The following PPFIA2 variants were observed in gnomAD, a reference collection of about 807,000 sequenced individuals.
PPFIA2 encodes liprin-alpha-2.
Under a neutral mutation model 175.5 loss-of-function variants are expected in PPFIA2, and 46 were observed. The observed-to-expected ratio is 0.26, with a 90% confidence interval of 0.21 to 0.34. The LOEUF (loss-of-function observed/expected upper bound fraction) is 0.34, where lower values mean the gene tolerates loss of function less well. Ranked by LOEUF, PPFIA2 falls within the 10% of genes least tolerant of loss-of-function variation. The probability of loss-of-function intolerance (pLI) is 1.00; values close to 1 mark genes in which losing one functional copy is unlikely to be tolerated. For synonymous variants in PPFIA2, 568 were observed against 511.4 expected (o/e 1.11, Z -1.49); for missense variants, 1,179 against 1,506.1 (o/e 0.78, Z 3.60).
chr12:81,472,055 T>C (rs1470205125), intron 4 of PPFIA2, among the ~76,000 whole-genome samples: 1 of 152,202 alleles, frequency 6.6e-6, no homozygotes, highest in Non-Finnish European at 1.5e-5. Context: ...TGCTATAATA[T>C]GGATGCTCCT....
At chr12:81,751,534 TACACACACACACACAC>T (rs10591884) in intron 3 of PPFIA2, among the ~76,000 whole-genome samples, 1 of 144,200 alleles carries the variant, frequency 6.9e-6, no homozygotes, top group Non-Finnish European at 1.5e-5. Context: ...TATAATATGC[TACACACACACACACAC>T]ACACACACAC....
intron 23 of PPFIA2, 38 bp downstream of exon 23, chr12:81,299,263 G>A (rs776672327): frequency 1.2e-5 from 19 of 1,556,576 alleles, no homozygotes; most frequent in African/African-American, 2.7e-5. Flanking sequence ...CAACTTAGTA[G>A]TGATTGATTC....
At chr12:81,509,868 T>C (rs766035657) in intron 4 of PPFIA2, among the ~76,000 whole-genome samples, 1 of 152,172 alleles carries the variant, frequency 6.6e-6, no homozygotes, top group Non-Finnish European at 1.5e-5. Flanking sequence ...TTGCCTTTCT[T>C]CATCAGAAGT....
At chr12:81,313,763 T>C (rs1219603781) in intron 22 of PPFIA2, among the ~76,000 whole-genome samples, 1 of 152,094 alleles carries the variant, frequency 6.6e-6, no homozygotes, top group Non-Finnish European at 1.5e-5. Flanking sequence ...GTTATCACCA[T>C]GGACAACATA....
intron 3 of PPFIA2, among the ~76,000 whole-genome samples, chr12:81,688,842 ACT>A: frequency 6.9e-6 from 1 of 143,960 alleles, no homozygotes; most frequent in Non-Finnish European, 1.5e-5. Flanking sequence ...TAAAATAGAT[ACT>A]TCTAATAATA....
chr12:81,674,061 A>G (rs1041729660), intron 4 of PPFIA2, among the ~76,000 whole-genome samples: 1 of 152,038 alleles, frequency 6.6e-6, no homozygotes, highest in African/African-American at 2.4e-5. Flanking sequence ...CCTTCTATAT[A>G]TGCCTTACCA....
At chr12:81,592,872 C>T (rs1040425337) in intron 4 of PPFIA2, among the ~76,000 whole-genome samples, 2 of 152,142 alleles carry the variant, frequency 1.3e-5, no homozygotes, top group Non-Finnish European at 2.9e-5. Flanking sequence ...CCTCCGACCT[C>T]AGTCTCCCAA....
At chr12:81,662,327 G>A (rs927409609) in intron 4 of PPFIA2, among the ~76,000 whole-genome samples, 6 of 152,140 alleles carry the variant, frequency 3.9e-5, no homozygotes, top group African/African-American at 1.4e-4. Flanking sequence ...GAAGAAAAGA[G>A]AGAAGAATCA....
intron 17 of PPFIA2, 142 bp from the exon 18 acceptor site, chr12:81,347,912 T>A: frequency 2.8e-6 from 3 of 1,071,870 alleles, no homozygotes; most frequent in Admixed American, 3.9e-5. Flanking sequence ...TTTTTTCATC[T>A]TTTTTTTTTC....
chr12:81,323,284 G>A (rs1270784754), intron 22 of PPFIA2, among the ~76,000 whole-genome samples: 2 of 152,082 alleles, frequency 1.3e-5, no homozygotes, highest in African/African-American at 2.4e-5. Context: ...ATGGGATAGT[G>A]AGCATAGCTC....
At chr12:81,650,017 T>G (rs1467686935) in intron 4 of PPFIA2, among the ~76,000 whole-genome samples, 2 of 151,972 alleles carry the variant, frequency 1.3e-5, no homozygotes, top group Non-Finnish European at 2.9e-5. Context: ...TTTTTGTTTT[T>G]TTTTTTTCCT....
intron 4 of PPFIA2, among the ~76,000 whole-genome samples, chr12:81,627,980 T>TA (rs1309701269): frequency 1.3e-5 from 2 of 152,140 alleles, no homozygotes; most frequent in Non-Finnish European, 2.9e-5. Context: ...TTGGCTACAA[T>TA]AAAATTATTC....
chr12:81,282,779 T>C (rs546751859), intron 26 of PPFIA2: 1 of 339,186 alleles, frequency 2.9e-6, no homozygotes, highest in African/African-American at 2.1e-5. Flanking sequence ...GAAAGAAAAG[T>C]ACCCTTTTAA....
At chr12:81,295,882 C>T (rs762843374) in intron 23 of PPFIA2, among the ~76,000 whole-genome samples, 1 of 151,908 alleles carries the variant, frequency 6.6e-6, no homozygotes, top group Admixed American at 6.6e-5. Flanking sequence ...TCCAGCTACT[C>T]GGGAGGCTGA....
Position 81,708,936 on chromosome 12 carries a change from G to A in PPFIA2, c.250-32092C>T, listed in dbSNP as rs533460754. On this transcript the variant is annotated intron_variant, in intron 3 of 32. Coordinates refer to ENST00000549396, the MANE Select transcript of PPFIA2 (RefSeq NM_003625.5). ...TTCTAACTGAATTTTCTCAAGGCAA[G>A]GTAATTTTAAAGATAAAATTGTTCT... Among the ~76,000 whole-genome samples the A allele has an allele frequency of 7.9e-5, 12 of 152,178 alleles. No homozygotes were observed. In the South Asian group the frequency reaches 2.5e-3, roughly 32 times the overall value.
At position 81,563,016 on chromosome 12, in the gene PPFIA2, T is replaced by C. The variant is rs140400078; in HGVS notation, c.304-105150A>G. ...CAATGTCAATAGACAACGAACATTG[T>C]CTAAACAGAGATGTCATGGCCCTCA... On this transcript the variant is annotated intron_variant, in intron 4 of 32. Transcript: ENST00000549396. 3.3e-5 allele frequency among the ~76,000 whole-genome samples: 5 copies of C among 152,276 alleles called. No individual in the cohort carries two copies. The East Asian group carries it at 9.7e-4, about 29-fold the overall frequency.
chr12:81,367,064 AAT>A (rs1491073017), intron 14 of PPFIA2, 42 bp downstream of exon 14: 49 of 1,432,520 alleles, frequency 3.4e-5, no homozygotes, highest in Admixed American at 1.4e-4. Context: ...TGGAATAGAA[AAT>A]AAAAATAGAA....
intron 4 of PPFIA2, among the ~76,000 whole-genome samples, chr12:81,578,141 G>A (rs147731344): frequency 0.015 from 2,237 of 151,824 alleles, 48 homozygotes; most frequent in East Asian, 0.042. Flanking sequence ...GTGTCTTTAA[G>A]CATGGTAGCT....
intron 8 of PPFIA2, among the ~76,000 whole-genome samples, chr12:81,394,267 T>C (rs1032918391): frequency 3.3e-5 from 5 of 152,020 alleles, no homozygotes; most frequent in African/African-American, 9.7e-5. Flanking sequence ...CCAGACTTAC[T>C]GTTACTTGGA....
Sources: gnomAD v4.1 joint callset for allele counts (sites outside exome capture counted in the v4.1 genomes callset) on GRCh38, gnomAD v4.1.1 for gene constraint, MANE v1.5 for transcripts, NCBI Gene and HGNC (gene_info 2026-07-23, HGNC 2026-07-21) for gene names.